The following TMEM163 variants were observed in gnomAD, a reference collection of about 807,000 sequenced individuals.
TMEM163 encodes transmembrane protein 163.
Under a neutral mutation model 29.3 loss-of-function variants are expected in TMEM163, and 17 were observed. That is an observed-to-expected ratio of 0.58 (90% CI 0.40 to 0.87). TMEM163 has a LOEUF of 0.87. Among genes scored for constraint, TMEM163 ranks in the 40% least tolerant of loss-of-function variants. TMEM163 has a pLI of 0.00. For synonymous variants in TMEM163, 157 were observed against 160.6 expected (o/e 0.98, Z 0.17); for missense variants, 303 against 381.5 (o/e 0.79, Z 1.71).
intron 5 of TMEM163, among the ~76,000 whole-genome samples, chr2:134,501,613 A>AT (rs1679698922): frequency 6.6e-6 from 1 of 152,228 alleles, no homozygotes; most frequent in Admixed American, 6.5e-5. Flanking sequence ...TGGTGCCCTC[A>AT]TATCTTACCT....
chr2:134,457,136 G>A (rs1336435812), intron 7 of TMEM163, among the ~76,000 whole-genome samples: 6 of 152,028 alleles, frequency 3.9e-5, no homozygotes. Flanking sequence ...ATTCCTTTTT[G>A]GGGGCTGAAT....
intron 5 of TMEM163, among the ~76,000 whole-genome samples, chr2:134,502,195 C>A (rs898974915): frequency 6.6e-6 from 1 of 152,156 alleles, no homozygotes; most frequent in African/African-American, 2.4e-5. Context: ...TAAGAGGAGA[C>A]CAGATTTTGC....
intron 5 of TMEM163, among the ~76,000 whole-genome samples, chr2:134,499,207 G>T (rs1679648211): frequency 6.6e-6 from 1 of 152,224 alleles, no homozygotes; most frequent in African/African-American, 2.4e-5. Context: ...AAAAGATGCA[G>T]TCGGGGAGGC....
intron 2 of TMEM163, among the ~76,000 whole-genome samples, chr2:134,708,957 T>C (rs1365180392): frequency 6.6e-6 from 1 of 152,218 alleles, no homozygotes; most frequent in Non-Finnish European, 1.5e-5. Flanking sequence ...AACGGAGCTG[T>C]GTATCTTAGG....
rs185860438 is a variant in TMEM163 at position 134,509,347 on chromosome 2, G to A, written c.459-6350C>T. ...AATACACAGGCTCACCAGAGGGGCC[G>A]TTGCCCAAGCCACTCCTCAAGATGG... On this transcript the variant is annotated intron_variant, in intron 4 of 7. Coordinates refer to ENST00000281924, the MANE Select transcript of TMEM163 (RefSeq NM_030923.5). 2.7e-3 allele frequency among the ~76,000 whole-genome samples: 418 copies of A among 152,292 alleles called. 2 individuals are homozygous for A. Among genetic ancestry groups the A allele is most frequent in the African/African-American group, 9.4e-3 (390 of 41,560 alleles).
In TMEM163 at chr2:134,525,320, C is replaced by T. The variant is rs137936099; in HGVS notation, c.459-22323G>A. ...GTGGGCCTGGCAGCATGCCCCTTAA[C>T]AAGCCCTCAGCAGATTCTGAGGCCC... On this transcript the variant is annotated intron_variant, in intron 4 of 7. Transcript: ENST00000281924. Among the ~76,000 whole-genome samples, 362 of 152,346 alleles carry T rather than the reference C, an allele frequency of 2.4e-3. 2 individuals are homozygous for T. The highest frequency in any genetic ancestry group is 8.4e-3 in the African/African-American group (348 of 41,572).
intron 4 of TMEM163, among the ~76,000 whole-genome samples, chr2:134,548,681 T>A (rs957731364): frequency 2.9e-4 from 35 of 119,482 alleles, no homozygotes; most frequent in African/African-American, 1.9e-3. Flanking sequence ...GGTTTCAGAT[T>A]TTTTTTGGAT....
Position 134,718,855 on chromosome 2 carries a change from C to T in TMEM163, c.81G>A (p.Pro27=). 1 of 1,115,842 alleles carries T rather than the reference C, an allele frequency of 9.0e-7. No individual in the cohort carries two copies. Among genetic ancestry groups the T allele is most frequent in the Non-Finnish European group, 1.1e-6 (1 of 914,676 alleles). 69.1% of individuals were successfully genotyped at this position (1,115,842 alleles called of 1,614,324 possible). A position where few individuals can be genotyped will look rare whatever the true frequency, so the allele number is the denominator to read the frequency against. The change falls in exon 1 of 8, where the codon CCG becomes CCA. Residue 27 remains proline, a synonymous_variant. Coordinates refer to ENST00000281924, the MANE Select transcript of TMEM163 (RefSeq NM_030923.5). ...VPPPPRGHAP[P]AAAPGPAPLS... ...GCGGGGCCGGGCCGGGGGCGGCAGC[C>T]GGTGGCGCGTGGCCCCGGGGCGGCG...
intron 2 of TMEM163, among the ~76,000 whole-genome samples, chr2:134,707,302 C>A (rs968540813): frequency 3.3e-5 from 5 of 152,116 alleles, no homozygotes; most frequent in African/African-American, 7.2e-5. Flanking sequence ...ACATGAGGAG[C>A]GGCCAGAAGT....
In TMEM163 at chr2:134,551,960, C is replaced by T. The variant is rs530234001; in HGVS notation, c.366+88G>A. ...CTCATGCTAAGCTCTCATACACTAA[C>T]CACCCTCATTTGAGGGCTCAGGGTG... On this transcript the variant is annotated intron_variant, in intron 3 of 7. Coordinates refer to ENST00000281924, the MANE Select transcript of TMEM163 (RefSeq NM_030923.5). The T allele has an allele frequency of 1.2e-4, 125 of 1,025,916 alleles. No individual in the cohort carries two copies. The African/African-American group carries it at 2.0e-3, about 16-fold the overall frequency. 63.6% of individuals were successfully genotyped at this position (1,025,916 alleles called of 1,614,324 possible). A position where few individuals can be genotyped will look rare whatever the true frequency, so the allele number is the denominator to read the frequency against.
At chr2:134,695,648 T>C (rs1205830900) in intron 2 of TMEM163, among the ~76,000 whole-genome samples, 1 of 152,216 alleles carries the variant, frequency 6.6e-6, no homozygotes, top group East Asian at 1.9e-4. Context: ...CCAAAGTTCT[T>C]CTTAGTCAGC....
intron 4 of TMEM163, among the ~76,000 whole-genome samples, chr2:134,543,488 A>C (rs1053896671): frequency 6.6e-5 from 10 of 152,240 alleles, no homozygotes; most frequent in African/African-American, 2.2e-4. Flanking sequence ...CCTCTGATTT[A>C]GGGCCAGATC....
At chr2:134,656,025 G>A (rs1450942030) in intron 2 of TMEM163, among the ~76,000 whole-genome samples, 1 of 145,454 alleles carries the variant, frequency 6.9e-6, no homozygotes, top group African/African-American at 2.7e-5. Flanking sequence ...TGCCCCCAGA[G>A]GTGGAGCCTA....
At chr2:134,537,357 G>C (rs1408485984) in intron 4 of TMEM163, among the ~76,000 whole-genome samples, 1 of 152,144 alleles carries the variant, frequency 6.6e-6, no homozygotes, top group African/African-American at 2.4e-5. Context: ...TCTGAGATCA[G>C]GGTGCCAGCA....
intron 2 of TMEM163, among the ~76,000 whole-genome samples, chr2:134,698,012 A>C (rs1684618480): frequency 6.6e-6 from 1 of 152,162 alleles, no homozygotes; most frequent in Admixed American, 6.5e-5. Context: ...ACATTCATAA[A>C]AGCACTCATA....
intron 2 of TMEM163, among the ~76,000 whole-genome samples, chr2:134,636,905 A>G (rs1683116968): frequency 6.6e-6 from 1 of 152,196 alleles, no homozygotes; most frequent in Non-Finnish European, 1.5e-5. Context: ...GGGCAAAAGG[A>G]CAGCTTAAAC....
At chr2:134,500,703 G>A (rs1006303150) in intron 5 of TMEM163, among the ~76,000 whole-genome samples, 7 of 152,082 alleles carry the variant, frequency 4.6e-5, no homozygotes, top group South Asian at 2.1e-4. Flanking sequence ...AGGTCATTAC[G>A]TTAAGTGAGA....
At chr2:134,665,802 G>A (rs1190794910) in intron 2 of TMEM163, among the ~76,000 whole-genome samples, 1 of 152,114 alleles carries the variant, frequency 6.6e-6, no homozygotes, top group Non-Finnish European at 1.5e-5. Context: ...CTGAAATTCA[G>A]GTATAACACC....
intron 2 of TMEM163, among the ~76,000 whole-genome samples, chr2:134,637,937 G>A (rs1445371120): frequency 1.3e-5 from 2 of 152,156 alleles, no homozygotes; most frequent in Non-Finnish European, 2.9e-5. Flanking sequence ...AAATTGGTAA[G>A]GTCAGTTTCC....
Sources: gnomAD v4.1 joint callset for allele counts (sites outside exome capture counted in the v4.1 genomes callset) on GRCh38, gnomAD v4.1.1 for gene constraint, MANE v1.5 for transcripts, NCBI Gene and HGNC (gene_info 2026-07-23, HGNC 2026-07-21) for gene names.